The following PYGO1 variants were observed in gnomAD, a reference collection of about 807,000 sequenced individuals.
PYGO1 encodes pygopus homolog 1.
A neutral mutation model predicts 29.5 loss-of-function variants in PYGO1; 6 were observed. The ratio of observed to expected loss-of-function variants is 0.20; its 90% CI spans 0.11 to 0.40. The LOEUF is 0.40. Ranked by LOEUF, PYGO1 falls within the 10% of genes least tolerant of loss-of-function variation. The pLI is 1.00. For missense variants in PYGO1, 515 were observed against 514.9 expected, an observed-to-expected ratio of 1.00 and a Z score of 0.00; for synonymous variants, 186 against 180.5, an observed-to-expected ratio of 1.03 and a Z score of -0.24.
At chr15:55,555,279 G>A in intron 1 of PYGO1, among the ~76,000 whole-genome samples, 1 of 151,902 alleles carries the variant, frequency 6.6e-6, no homozygotes, top group Non-Finnish European at 1.5e-5. Context: ...AGCAAAGGAG[G>A]AATAAGATCG....
At chr15:55,579,709 C>T (rs1463816685) in intron 1 of PYGO1, among the ~76,000 whole-genome samples, 2 of 152,070 alleles carry the variant, frequency 1.3e-5, no homozygotes, top group Non-Finnish European at 2.9e-5. Context: ...ACTGAACAGA[C>T]ATAATATTAC....
intron 1 of PYGO1, among the ~76,000 whole-genome samples, chr15:55,570,952 G>A (rs2058977687): frequency 6.6e-6 from 1 of 151,944 alleles, no homozygotes; most frequent in Admixed American, 6.6e-5. Flanking sequence ...TCACATTACT[G>A]CATAACCAAC....
At chr15:55,584,357 T>G (rs549383264) in intron 1 of PYGO1, among the ~76,000 whole-genome samples, 3 of 152,134 alleles carry the variant, frequency 2.0e-5, no homozygotes, top group Non-Finnish European at 4.4e-5. Context: ...GTAATCCACC[T>G]GCCTCAGCCT....
In PYGO1 at chr15:55,560,286, C is replaced by T. The variant is rs774556456; in HGVS notation, c.50-11291G>A. On this transcript the variant is annotated intron_variant, in intron 1 of 2. Transcript: ENST00000563719. ...ACATGATATATCTAGAAAACCCCAT[C>T]GTCTCAGCTCAAAAGCTTCTTAAGC... Among the ~76,000 whole-genome samples, 5 of 152,226 alleles carry T rather than the reference C, an allele frequency of 3.3e-5. 1 individual carries two copies.
chr15:55,563,386 A>G (rs1437848739), intron 1 of PYGO1, among the ~76,000 whole-genome samples: 11 of 93,636 alleles, frequency 1.2e-4, no homozygotes, highest in African/African-American at 4.5e-4. Context: ...TTTTTTTTTG[A>G]GACGAAGTCT....
At chr15:55,549,019 A>G (rs973659200) in intron 1 of PYGO1, 24 bp from the exon 2 acceptor site, 3 of 1,548,580 alleles carry the variant, frequency 1.9e-6, no homozygotes, top group Non-Finnish European at 2.6e-6. Context: ...AATTCAGGTA[A>G]TATTTCCCAC....
chr15:55,545,981 C>T lies in PYGO1; in HGVS notation c.*42G>A, dbSNP rs112188395. Reference sequence around the variant, plus strand: ...AAAATCCTGTGTCAATGAACTTCTGCAATGCACAGGAAAATAAACCCACTT... The same window carrying T: ...AAAATCCTGTGTCAATGAACTTCTGTAATGCACAGGAAAATAAACCCACTT... On this transcript the variant is annotated 3_prime_UTR_variant, in exon 3 of 3. Coordinates refer to ENST00000563719, the MANE Select transcript of PYGO1 (RefSeq NM_001367806.1). 3.3e-6 allele frequency: 5 copies of T among 1,508,196 alleles called. No individual in the cohort carries two copies. The African/African-American group carries it at 5.6e-5, about 17-fold the overall frequency. 93.4% of individuals were successfully genotyped at this position (1,508,196 alleles called of 1,614,324 possible).
intron 1 of PYGO1, among the ~76,000 whole-genome samples, chr15:55,554,468 CAAAAA>C (rs56216226): frequency 4.1e-5 from 5 of 122,896 alleles, no homozygotes; most frequent in Non-Finnish European, 4.8e-5. Context: ...GACTCTGTCT[CAAAAA>C]AAAAAAAAAA....
intron 1 of PYGO1, among the ~76,000 whole-genome samples, chr15:55,579,934 T>A (rs1160305661): frequency 6.6e-6 from 1 of 152,214 alleles, no homozygotes; most frequent in East Asian, 1.9e-4. Context: ...GGTATTAATT[T>A]TATATTTAAG....
intron 2 of PYGO1, among the ~76,000 whole-genome samples, chr15:55,548,621 G>A (rs1256857151): frequency 1.4e-5 from 2 of 145,916 alleles, no homozygotes; most frequent in African/African-American, 2.5e-5. Context: ...CAGGAGAATC[G>A]CTTCAACCTG....
At chr15:55,548,188 T>C (rs2058861135) in intron 2 of PYGO1, among the ~76,000 whole-genome samples, 1 of 151,822 alleles carries the variant, frequency 6.6e-6, no homozygotes, top group African/African-American at 2.4e-5. Flanking sequence ...CCCGGCTAAT[T>C]TTTATATTTT....
chr15:55,570,124 C>T (rs936492355), intron 1 of PYGO1, among the ~76,000 whole-genome samples: 2 of 152,176 alleles, frequency 1.3e-5, no homozygotes, highest in Admixed American at 6.5e-5. Flanking sequence ...CTTTCACATA[C>T]TTAGGCCTCA....
intron 1 of PYGO1, among the ~76,000 whole-genome samples, chr15:55,560,477 GTAA>G: frequency 6.6e-6 from 1 of 152,098 alleles, no homozygotes; most frequent in Non-Finnish European, 1.5e-5. Flanking sequence ...AACAAGAGAC[GTAA>G]AGGACCTCTT....
intron 1 of PYGO1, among the ~76,000 whole-genome samples, chr15:55,559,156 G>A (rs1354284932): frequency 3.9e-5 from 6 of 152,066 alleles, no homozygotes; most frequent in South Asian, 4.1e-4. Context: ...CAACCCCATC[G>A]AAACGCGGGT....
intron 2 of PYGO1, among the ~76,000 whole-genome samples, chr15:55,548,664 C>T (rs1483609830): frequency 7.9e-6 from 1 of 126,858 alleles, no homozygotes; most frequent in Non-Finnish European, 1.6e-5. Context: ...TGAGATCACC[C>T]CACTGCACTC....
chr15:55,568,320 C>CTGTGTGTGTGTGTG (rs58177433), intron 1 of PYGO1, among the ~76,000 whole-genome samples: 2,323 of 125,834 alleles, frequency 0.018, 117 homozygotes, highest in African/African-American at 0.041. Context: ...TTCCTAGGTA[C>CTGTGTGTGTGTGTG]TGTGTGTGTG....
intron 1 of PYGO1, among the ~76,000 whole-genome samples, chr15:55,554,830 A>T (rs2058896915): frequency 6.6e-6 from 1 of 152,200 alleles, no homozygotes; most frequent in Non-Finnish European, 1.5e-5. Context: ...GAGAAAAAGG[A>T]AAGAACTAAA....
chr15:55,554,149 C>T (rs1228151410), intron 1 of PYGO1, among the ~76,000 whole-genome samples: 1 of 152,132 alleles, frequency 6.6e-6, no homozygotes, highest in Non-Finnish European at 1.5e-5. Context: ...GATCACAGCA[C>T]TTCTCCAGCA....
At chr15:55,582,206 C>CA (rs58715888) in intron 1 of PYGO1, among the ~76,000 whole-genome samples, 13,258 of 103,990 alleles carry the variant, frequency 0.13, 1,480 homozygotes, top group African/African-American at 0.27. Flanking sequence ...GGCTCCATCT[C>CA]AAAAAAAAAA....
Sources: allele counts gnomAD v4.1 joint callset (sites outside exome capture counted in the v4.1 genomes callset), GRCh38; gene constraint gnomAD v4.1.1; transcripts MANE v1.5; gene names NCBI Gene and HGNC (gene_info 2026-07-23, HGNC 2026-07-21).